EIF2B4: variants seen among roughly 807,000 people sequenced by gnomAD.
EIF2B4 encodes the protein eukaryotic translation initiation factor 2B subunit delta.
Under a neutral mutation model 66.7 loss-of-function variants are expected in EIF2B4, and 34 were observed. That is an observed-to-expected ratio of 0.51 (90% CI 0.39 to 0.68). The LOEUF is 0.68. Ranked by LOEUF, EIF2B4 falls within the 30% of genes least tolerant of loss-of-function variation. The pLI, the probability that EIF2B4 is intolerant of heterozygous loss-of-function variation, is 0.00. For synonymous variants in EIF2B4, 278 were observed against 253.6 expected, an observed-to-expected ratio of 1.10 and a Z score of -0.92; for missense variants, 618 against 657.9, an observed-to-expected ratio of 0.94 and a Z score of 0.66.
At chr2:27,368,188 A>C (rs199682969) in intron 6 of EIF2B4, 49 bp from the exon 7 acceptor site, 1 of 1,456,766 alleles carries the variant, frequency 6.9e-7, no homozygotes, top group African/African-American at 1.4e-5. Flanking sequence ...TTGAGCATCT[A>C]CTGCCCACCT....
In EIF2B4 at chr2:27,368,104, C is replaced by T. The variant is rs113994028; in HGVS notation, c.626G>A (p.Arg209Gln). The T allele has an allele frequency of 3.4e-5, 55 of 1,598,588 alleles. No homozygotes were observed. The highest frequency in any genetic ancestry group is 4.0e-5 in the African/African-American group (3 of 74,648). ...GCCCTGGGAGTACTGCAGGCCGAGTCGCACCATGGCTGGGTGGATCACAGA... is the reference window on the plus strand; with the variant it reads ...GCCCTGGGAGTACTGCAGGCCGAGTTGCACCATGGCTGGGTGGATCACAGA... The part of the protein sequence containing the change: ...PSSVIHPAMV[R>Q]LGLQYSQGLV... Residue 209 changes from arginine (R) to glutamine (Q), a missense_variant, in exon 7 of 13, where the codon CGA (arginine) becomes CAA (glutamine). By Grantham distance (43) the Arg-to-Gln change is conservative. Coordinates refer to ENST00000347454, the MANE Select transcript of EIF2B4 (RefSeq NM_001034116.2).
Position 27,366,670 on chromosome 2 carries a change from C to G in EIF2B4, c.1191+89G>C, listed in dbSNP as rs181235666. ...CTCCATCCTTATCTCAAAACAAAAA[C>G]AAAACTGTAACTTTGGGAAGGTGAG... On this transcript the variant is annotated intron_variant, in intron 11 of 12. Transcript: ENST00000347454. The G allele has an allele frequency of 3.9e-6, 6 of 1,530,728 alleles. No homozygotes were observed. In the Admixed American group the frequency reaches 6.7e-5, roughly 17 times the overall value. The allele number at this position is 1,530,728 out of a possible 1,614,324, so 94.8% of individuals were successfully genotyped here. A position where few individuals can be genotyped will look rare whatever the true frequency, so the allele number is the denominator to read the frequency against.
At chr2:27,365,044 A>C in intron 11 of EIF2B4, 146 bp from the exon 12 acceptor site, 2 of 808,302 alleles carry the variant, frequency 2.5e-6, no homozygotes, top group Non-Finnish European at 3.9e-6. Flanking sequence ...AACAGACAAC[A>C]AGTAATAAAT....
At position 27,369,409 on chromosome 2, in the gene EIF2B4, C is replaced by T; in HGVS notation, c.211+5G>A. ...CCAGCCCTTTAAAAGAGACCCCTCA[C>T]TCACCTTGACATTGGGCTGCAGATA... On this transcript the variant is annotated splice_donor_5th_base_variant and intron_variant, in intron 3 of 12. Coordinates refer to ENST00000347454, the MANE Select transcript of EIF2B4 (RefSeq NM_001034116.2). 6.2e-7 allele frequency: 1 copy of T among 1,614,094 alleles called. No individual in the cohort carries two copies. The highest frequency in any genetic ancestry group is 8.5e-7 in the Non-Finnish European group (1 of 1,180,024).
At chr2:27,367,876 CGGGGGCT>C in intron 7 of EIF2B4, 54 bp from the exon 8 acceptor site, 4 of 1,573,198 alleles carry the variant, frequency 2.5e-6, no homozygotes, top group Admixed American at 1.7e-5. Context: ...GATCTCTGAA[CGGGGGCT>C]GGGGGTAAGC....
intron 11 of EIF2B4, 141 bp from the exon 12 acceptor site, chr2:27,365,039 A>C (rs71441069): frequency 2.2e-5 from 18 of 808,888 alleles, no homozygotes; most frequent in African/African-American, 3.5e-5. Context: ...ACAAAAACAG[A>C]CAACAAGTAA....
At position 27,368,647 on chromosome 2, in the gene EIF2B4, T is replaced by TTCC; in HGVS notation, c.498+4_498+6dup. 1 of 1,614,174 alleles carries TTCC rather than the reference T, an allele frequency of 6.2e-7. No individual in the cohort carries two copies. The highest frequency in any genetic ancestry group is 1.3e-5 in the African/African-American group (1 of 75,014). On this transcript the variant is annotated splice_region_variant and intron_variant, in intron 5 of 12. Coordinates refer to ENST00000347454, the MANE Select transcript of EIF2B4 (RefSeq NM_001034116.2). ...CTTTCTAGCCAGGCACCAAACCCAC[T>TTCC]TCCTACCTGTTGACGCTCTGGTTTT...
At chr2:27,366,256 G>GTGTGTGTGTGTT in intron 11 of EIF2B4, 1 of 200,082 alleles carries the variant, frequency 5.0e-6, no homozygotes. Flanking sequence ...GTGTGTGTGT[G>GTGTGTGTGTGTT]TGTGTACAGG....
At chr2:27,365,625 C>T (rs1156795967) in intron 11 of EIF2B4, 2 of 152,280 alleles carry the variant, frequency 1.3e-5, no homozygotes, top group African/African-American at 4.8e-5. Context: ...AACTGCCCTC[C>T]TCGGCCTCCC....
chr2:27,369,754 G>A lies in EIF2B4; in HGVS notation c.75+122C>T, dbSNP rs1396207249. ...ATATCCCTAGGGTTGCAAGACCTCT[G>A]TAAAATCTCCTGGCTTTACTGAGAA... On this transcript the variant is annotated intron_variant, in intron 2 of 12. Transcript: ENST00000347454. 5 of 1,461,394 alleles carry A rather than the reference G, an allele frequency of 3.4e-6. No individual in the cohort carries two copies. The Admixed American group carries it at 9.1e-5, about 26-fold the overall frequency. 90.5% of individuals were successfully genotyped at this position (1,461,394 alleles called of 1,614,324 possible).
At chr2:27,367,229 A>G (rs774091341) in intron 9 of EIF2B4, 28 bp from the exon 10 acceptor site, 21 of 1,613,976 alleles carry the variant, frequency 1.3e-5, no homozygotes, top group Non-Finnish European at 1.8e-5. Context: ...CTTAGTGAAC[A>G]AGAAATGGAC....
chr2:27,368,759 G>A, intron 4 of EIF2B4, 26 bp from the exon 5 acceptor site: 1 of 1,608,278 alleles, frequency 6.2e-7, no homozygotes, highest in Non-Finnish European at 8.5e-7. Context: ...CATGTTTTCA[G>A]GACACTGTAG....
chr2:27,367,284 A>C, intron 9 of EIF2B4, 83 bp from the exon 10 acceptor site: 3 of 1,603,214 alleles, frequency 1.9e-6, no homozygotes, highest in Non-Finnish European at 2.6e-6. Context: ...GAATATGTGT[A>C]TGATGACAAG....
At chr2:27,367,902 G>A in intron 7 of EIF2B4, 80 bp from the exon 8 acceptor site, 1 of 1,525,118 alleles carries the variant, frequency 6.6e-7, no homozygotes, top group South Asian at 1.1e-5. Context: ...GCTTCACTGA[G>A]GAAAATGTTC....
chr2:27,369,032 G>A lies in EIF2B4; in HGVS notation c.392C>T (p.Pro131Leu), dbSNP rs371253140. 12 of 1,613,972 alleles carry A rather than the reference G, an allele frequency of 7.4e-6. No homozygotes were observed. The highest frequency in any genetic ancestry group is 1.0e-5 in the Non-Finnish European group (12 of 1,180,028). ...EQGGPPPKASPSTAGETPSGV... is the reference protein window; with the variant it reads ...EQGGPPPKASLSTAGETPSGV... ...TGAGGGGGTTTCTCCAGCTGTGCTG[G>A]GGCTGGCCTTAGGAGGTGGTCCTCC... Residue 131 changes from proline to leucine, a missense_variant, in exon 4 of 13, where the codon CCC becomes CTC. By Grantham distance (98) the Pro-to-Leu change is moderately conservative. Coordinates refer to ENST00000347454, the MANE Select transcript of EIF2B4 (RefSeq NM_001034116.2).
chr2:27,367,549 GAGTC>G lies in EIF2B4; in HGVS notation c.789_792del (p.Thr264SerfsTer50). 6.2e-7 allele frequency: 1 copy of G among 1,614,110 alleles called. No homozygotes were observed. Among genetic ancestry groups the G allele is most frequent in the Non-Finnish European group, 8.5e-7 (1 of 1,180,032 alleles). ...ATGCTCGCTGACAGGGGACGGCACT[GAGTC>G]AGGAAGCTATAATACAACAGCAATA... is the stretch of plus-strand genomic sequence containing the variant. On this transcript the variant is annotated frameshift_variant, in exon 9 of 13. Transcript: ENST00000347454. LOFTEE classifies it high-confidence loss of function.
intron 11 of EIF2B4, 145 bp from the exon 12 acceptor site, chr2:27,365,043 CAAGT>C: frequency 1.2e-6 from 1 of 803,522 alleles, no homozygotes; most frequent in Non-Finnish European, 2.0e-6. Flanking sequence ...AAACAGACAA[CAAGT>C]AATAAATCTT....
In EIF2B4 at chr2:27,367,194, G is replaced by C; in HGVS notation, c.893C>G (p.Ser298Ter). The C allele has an allele frequency of 6.2e-7, 1 of 1,614,094 alleles. No homozygotes were observed. The highest frequency in any genetic ancestry group is 8.5e-7 in the Non-Finnish European group (1 of 1,180,024). The change falls in exon 10 of 13, where the codon TCA becomes TGA. Residue 298 changes from serine (S) to a stop codon, truncating the protein, a stop_gained. Coordinates refer to ENST00000347454, the MANE Select transcript of EIF2B4 (RefSeq NM_001034116.2). LOFTEE classifies it high-confidence loss of function. ...GSSKREEEAK[S>*]ELRAAIDRYV... ...CCGATCAATGGCTGCTCGAAGTTCT[G>C]ACTTGGCCTAAATGGAGTAAAATCC...
chr2:27,368,683 T>G lies in EIF2B4; in HGVS notation c.469A>C (p.Arg157=), dbSNP rs1682055425. 1 of 1,614,184 alleles carries G rather than the reference T, an allele frequency of 6.2e-7. No individual in the cohort carries two copies. The highest frequency in any genetic ancestry group is 1.7e-5 in the Admixed American group (1 of 60,024). ...TGACGCTCTGGTTTTTTAACAAGCC[T>G]TCTCAGAAGTAGGTCATCAACCTGA... is the stretch of plus-strand genomic sequence containing the variant. The part of the protein sequence containing the change: ...YPQVDDLLLR[R]LVKKPERQQV... Residue 157 remains arginine (R), a synonymous_variant, in exon 5 of 13, where the codon AGG becomes CGG. Transcript: ENST00000347454.
Sources: allele counts gnomAD v4.1 joint callset, GRCh38; gene constraint gnomAD v4.1.1; transcripts MANE v1.5; gene names NCBI Gene and HGNC (gene_info 2026-07-23, HGNC 2026-07-21).